The following CHCHD3 variants were observed in gnomAD, a reference collection of about 807,000 sequenced individuals.
CHCHD3 encodes the protein coiled-coil-helix-coiled-coil-helix domain containing 3, also known as MICOS complex subunit MIC19.
In CHCHD3, 20 loss-of-function variants were observed where a neutral mutation model predicts 38.2. The observed-to-expected ratio is 0.52, with a 90% CI of 0.37 to 0.76. The LOEUF is 0.76. Among genes scored for constraint, CHCHD3 ranks in the 30% least tolerant of loss-of-function variants. The pLI is 0.00. For synonymous variants in CHCHD3, 82 were observed against 100.0 expected (o/e 0.82, Z 1.07); for missense variants, 245 against 279.2 (o/e 0.88, Z 0.87).
intron 5 of CHCHD3, among the ~76,000 whole-genome samples, chr7:132,866,999 G>A (rs1035031735): frequency 5.9e-5 from 9 of 152,042 alleles, no homozygotes; most frequent in African/African-American, 1.2e-4. Context: ...ACAGCATCAC[G>A]CACACCTACC....
chr7:132,939,103 G>A (rs908450623), intron 4 of CHCHD3, among the ~76,000 whole-genome samples: 2 of 152,166 alleles, frequency 1.3e-5, no homozygotes, highest in African/African-American at 4.8e-5. Context: ...CTCGGTCAAC[G>A]ATGGAGCACA....
chr7:132,966,909 G>A (rs10250029), intron 4 of CHCHD3, among the ~76,000 whole-genome samples: 7,938 of 152,180 alleles, frequency 0.052, 683 homozygotes, highest in African/African-American at 0.18. Context: ...ATGTCAGTTC[G>A]ATAAAATTCC....
At chr7:133,028,344 A>G (rs1362895) in intron 2 of CHCHD3, among the ~76,000 whole-genome samples, 144,784 of 152,248 alleles carry the variant, frequency 0.95, 69,271 homozygotes, top group East Asian at 1. Context: ...ATGCACTGGG[A>G]TCAGTGTTCT....
At chr7:133,008,970 C>CA (rs34312085) in intron 3 of CHCHD3, among the ~76,000 whole-genome samples, 1,605 of 127,930 alleles carry the variant, frequency 0.013, 25 homozygotes, top group African/African-American at 0.039. Flanking sequence ...CAAAAAAGAC[C>CA]AAAAAAAAAA....
At chr7:132,964,357 C>T (rs1811403561) in intron 4 of CHCHD3, among the ~76,000 whole-genome samples, 1 of 152,130 alleles carries the variant, frequency 6.6e-6, no homozygotes, top group Non-Finnish European at 1.5e-5. Context: ...CCGAGGCGGG[C>T]AGATCACAAG....
chr7:132,975,844 C>T (rs138559291), intron 3 of CHCHD3, among the ~76,000 whole-genome samples: 1 of 151,324 alleles, frequency 6.6e-6, no homozygotes, highest in Non-Finnish European at 1.5e-5. Context: ...GGCAGGAGAA[C>T]TGCTTGAGCC....
At position 132,967,666 on chromosome 7, in the gene CHCHD3, T is replaced by TAAAA. The variant is rs554403961; in HGVS notation, c.369+7499_369+7502dup. Among the ~76,000 whole-genome samples the TAAAA allele has an allele frequency of 4.8e-3, 645 of 135,038 alleles. 6 individuals are homozygous for TAAAA. The highest frequency in any genetic ancestry group is 0.017 in the African/African-American group (626 of 36,008). 88.6% of individuals were successfully genotyped at this position (135,038 alleles called of 152,430 possible). On this transcript the variant is annotated intron_variant, in intron 4 of 7. Transcript: ENST00000262570. ...ATAAATAAATAAATAAATAAATAAATAAAATAAAACAAAATTAGCCAGACA... is the reference window on the plus strand; with the variant it reads ...ATAAATAAATAAATAAATAAATAAATAAAAAAAATAAAACAAAATTAGCCAGACA...
At chr7:132,785,719 CACTA>C (rs1806299525) in intron 7 of CHCHD3, 59 bp from the exon 8 acceptor site, 9 of 1,511,354 alleles carry the variant, frequency 6.0e-6, no homozygotes, top group Non-Finnish European at 3.7e-6. Context: ...AAATAAATGG[CACTA>C]ACTATTTAGT....
intron 5 of CHCHD3, among the ~76,000 whole-genome samples, chr7:132,879,882 C>T (rs1053765119): frequency 7.9e-5 from 12 of 151,902 alleles, no homozygotes; most frequent in Non-Finnish European, 1.0e-4. Flanking sequence ...CTTATTTCAA[C>T]GTGAAAGAAG....
chr7:132,899,835 A>G (rs968789675), intron 4 of CHCHD3, among the ~76,000 whole-genome samples: 6 of 152,234 alleles, frequency 3.9e-5, no homozygotes, highest in Non-Finnish European at 8.8e-5. Context: ...AGACCCCTCT[A>G]ACACCCACAT....
chr7:132,791,418 A>T (rs2117021546), intron 7 of CHCHD3, among the ~76,000 whole-genome samples: 1 of 152,336 alleles, frequency 6.6e-6, no homozygotes, highest in East Asian at 1.9e-4. Context: ...AGGTTGGGTT[A>T]TATGATCTCT....
At chr7:133,046,847 G>A (rs988968778) in intron 2 of CHCHD3, among the ~76,000 whole-genome samples, 2 of 152,310 alleles carry the variant, frequency 1.3e-5, no homozygotes, top group East Asian at 3.9e-4. Flanking sequence ...ACAGGCGTGA[G>A]CCACCGCACC....
chr7:133,073,880 A>G (rs1255494152), intron 1 of CHCHD3, among the ~76,000 whole-genome samples: 1 of 152,126 alleles, frequency 6.6e-6, no homozygotes, highest in Non-Finnish European at 1.5e-5. Context: ...TTTTTCCTTA[A>G]TATTACATAT....
At chr7:132,981,507 A>T (rs532379368) in intron 3 of CHCHD3, among the ~76,000 whole-genome samples, 1 of 152,338 alleles carries the variant, frequency 6.6e-6, no homozygotes, top group East Asian at 1.9e-4. Flanking sequence ...CGGTTATTTT[A>T]AAATAGGCTC....
At chr7:132,894,617 C>T (rs1266151841) in intron 4 of CHCHD3, among the ~76,000 whole-genome samples, 1 of 152,208 alleles carries the variant, frequency 6.6e-6, no homozygotes, top group Non-Finnish European at 1.5e-5. Flanking sequence ...AAGGGCTTTC[C>T]TCCTCTCTGC....
intron 6 of CHCHD3, among the ~76,000 whole-genome samples, chr7:132,806,691 C>CTT (rs879700699): frequency 1.1e-3 from 161 of 145,756 alleles, no homozygotes; most frequent in African/African-American, 3.8e-3. Flanking sequence ...CTCTAACAGA[C>CTT]TTTTTTTTTT....
intron 4 of CHCHD3, among the ~76,000 whole-genome samples, chr7:132,917,634 A>C (rs958021962): frequency 7.2e-5 from 11 of 152,104 alleles, no homozygotes; most frequent in African/African-American, 2.4e-4. Context: ...TGAGGCGGGC[A>C]GATCACGAGG....
At chr7:132,990,951 T>G (rs202224961) in intron 3 of CHCHD3, among the ~76,000 whole-genome samples, 3 of 143,692 alleles carry the variant, frequency 2.1e-5, no homozygotes, top group Non-Finnish European at 3.0e-5. Flanking sequence ...CAGACACACA[T>G]ACACACACAC....
chr7:133,019,037 C>T (rs1300096290), intron 3 of CHCHD3, among the ~76,000 whole-genome samples: 3 of 151,912 alleles, frequency 2.0e-5, no homozygotes, highest in Non-Finnish European at 4.4e-5. Flanking sequence ...GCTTGTGCCA[C>T]CACACCCAGC....
Sources: gnomAD v4.1 joint callset for allele counts (sites outside exome capture counted in the v4.1 genomes callset) on GRCh38, gnomAD v4.1.1 for gene constraint, MANE v1.5 for transcripts, NCBI Gene and HGNC (gene_info 2026-07-23, HGNC 2026-07-21) for gene names.